The following PRKCH variants were observed in gnomAD, a reference collection of about 807,000 sequenced individuals.
PRKCH encodes protein kinase C eta type.
PRKCH carries 28 observed loss-of-function variants against 82.5 expected under a neutral mutation model. The observed-to-expected ratio is 0.34, with a 90% confidence interval of 0.25 to 0.47. The LOEUF (loss-of-function observed/expected upper bound fraction) is 0.47. Ranked by LOEUF, PRKCH falls within the 20% of genes least tolerant of loss-of-function variation. PRKCH has a pLI of 1.00. For synonymous variants in PRKCH, 322 were observed against 327.4 expected, an observed-to-expected ratio of 0.98 and a Z score of 0.18; for missense variants, 705 against 881.8, an observed-to-expected ratio of 0.80 and a Z score of 2.54.
chr14:61,328,274 A>G (rs2045729054), intron 1 of PRKCH, among the ~76,000 whole-genome samples: 1 of 151,380 alleles, frequency 6.6e-6, no homozygotes, highest in African/African-American at 2.4e-5. Context: ...AAAAAAAAAA[A>G]AAAAAAAGAA....
At chr14:61,225,398 G>A (rs1028320225) in intron 1 of PRKCH, among the ~76,000 whole-genome samples, 4 of 152,202 alleles carry the variant, frequency 2.6e-5, no homozygotes, top group African/African-American at 9.7e-5. Context: ...GACAGTGTGA[G>A]GCCTGGGCTG....
chr14:61,395,296 C>CCA (rs554879597), intron 2 of PRKCH, among the ~76,000 whole-genome samples: 1 of 146,970 alleles, frequency 6.8e-6, no homozygotes, highest in African/African-American at 2.5e-5. Flanking sequence ...TGGAGCCCCC[C>CCA]CCCGCATTTG....
intron 10 of PRKCH, among the ~76,000 whole-genome samples, chr14:61,505,362 C>G (rs1019793441): frequency 1.3e-4 from 18 of 140,454 alleles, no homozygotes; most frequent in Non-Finnish European, 2.7e-4. Flanking sequence ...TGAGAGAGCT[C>G]TCTAGGATTT....
intron 11 of PRKCH, among the ~76,000 whole-genome samples, chr14:61,529,519 T>C (rs984300077): frequency 6.6e-6 from 1 of 151,640 alleles, no homozygotes; most frequent in Non-Finnish European, 1.5e-5. Context: ...TGTCCAACAA[T>C]GATAGACTGG....
chr14:61,451,510 T>C (rs967761203), intron 6 of PRKCH, among the ~76,000 whole-genome samples: 2 of 152,050 alleles, frequency 1.3e-5, no homozygotes, highest in African/African-American at 4.8e-5. Context: ...GTGAAAGAGA[T>C]TGGAGACAGG....
At chr14:61,281,234 G>A (rs1786725610) in intron 1 of PRKCH, 2 of 851,080 alleles carry the variant, frequency 2.3e-6, no homozygotes, top group Admixed American at 4.5e-5. Context: ...GCAAGCCCGG[G>A]GACTGCTCGC....
chr14:61,331,568 G>A (rs1417594267), intron 1 of PRKCH, among the ~76,000 whole-genome samples: 4 of 152,098 alleles, frequency 2.6e-5, no homozygotes, highest in African/African-American at 4.8e-5. Flanking sequence ...TTTTTATTTC[G>A]TTATACAACT....
chr14:61,242,632 AGG>A (rs2044848872), intron 1 of PRKCH, among the ~76,000 whole-genome samples: 1 of 152,088 alleles, frequency 6.6e-6, no homozygotes, highest in Non-Finnish European at 1.5e-5. Flanking sequence ...TCCTGACCTC[AGG>A]TGATCCCCCC....
intron 1 of PRKCH, among the ~76,000 whole-genome samples, chr14:61,196,781 C>T (rs1005145778): frequency 2.6e-5 from 4 of 152,082 alleles, no homozygotes; most frequent in South Asian, 2.1e-4. Flanking sequence ...CTATGTGACA[C>T]GTGAACATAG....
chr14:61,191,772 T>C (rs1201814562), intron 1 of PRKCH, among the ~76,000 whole-genome samples: 1 of 152,252 alleles, frequency 6.6e-6, no homozygotes, highest in Non-Finnish European at 1.5e-5. Flanking sequence ...TTGGCTTTGA[T>C]GGCTTTGGGA....
chr14:61,490,881 G>A (rs1301363376), intron 10 of PRKCH, among the ~76,000 whole-genome samples: 1 of 152,008 alleles, frequency 6.6e-6, no homozygotes, highest in African/African-American at 2.4e-5. Context: ...TTGCACCACT[G>A]TACTCCAACC....
intron 1 of PRKCH, among the ~76,000 whole-genome samples, chr14:61,211,220 CTG>C (rs2044577293): frequency 1.3e-5 from 2 of 152,184 alleles, no homozygotes; most frequent in African/African-American, 4.8e-5. Flanking sequence ...GCTCGAGGAA[CTG>C]TGGGTTGCAG....
chr14:61,395,909 A>G (rs1269749042), intron 2 of PRKCH, among the ~76,000 whole-genome samples: 1 of 151,928 alleles, frequency 6.6e-6, no homozygotes, highest in Non-Finnish European at 1.5e-5. Flanking sequence ...GTGAAACACC[A>G]TCTCTACAAA....
intron 10 of PRKCH, among the ~76,000 whole-genome samples, chr14:61,499,904 G>T (rs1886825696): frequency 6.7e-6 from 1 of 149,490 alleles, no homozygotes. Context: ...AAAAAATACA[G>T]CTCTCTTACA....
At chr14:61,523,201 A>G (rs915395655) in intron 10 of PRKCH, among the ~76,000 whole-genome samples, 12 of 152,244 alleles carry the variant, frequency 7.9e-5, no homozygotes, top group Admixed American at 5.2e-4. Context: ...GCACTCCCCT[A>G]TGCCTGTATC....
At chr14:61,336,124 C>G (rs1406470074) in intron 1 of PRKCH, among the ~76,000 whole-genome samples, 1 of 152,206 alleles carries the variant, frequency 6.6e-6, no homozygotes, top group African/African-American at 2.4e-5. Flanking sequence ...ATGTCACTTT[C>G]ATTACCACCA....
At chr14:61,264,706 G>A (rs968677119) in intron 1 of PRKCH, among the ~76,000 whole-genome samples, 4 of 152,162 alleles carry the variant, frequency 2.6e-5, no homozygotes, top group Non-Finnish European at 5.9e-5. Context: ...AAATTGGAGA[G>A]GCTACTCTGG....
At chr14:61,509,888 C>T (rs1228248410) in intron 10 of PRKCH, among the ~76,000 whole-genome samples, 1 of 152,082 alleles carries the variant, frequency 6.6e-6, no homozygotes, top group African/African-American at 2.4e-5. Flanking sequence ...GCCCTCCATC[C>T]TGGGTGACAA....
At chr14:61,241,863 G>A (rs1389107514) in intron 1 of PRKCH, among the ~76,000 whole-genome samples, 1 of 152,204 alleles carries the variant, frequency 6.6e-6, no homozygotes. Flanking sequence ...CGCGTTTTAT[G>A]AGATGAAGCG....
Sources: allele counts gnomAD v4.1 joint callset (sites outside exome capture counted in the v4.1 genomes callset), GRCh38; gene constraint gnomAD v4.1.1; transcripts MANE v1.5; gene names NCBI Gene and HGNC (gene_info 2026-07-23, HGNC 2026-07-21).